MANBA: variants seen among roughly 807,000 people sequenced by gnomAD.
The protein encoded by MANBA is mannosidase beta.
MANBA carries 83 observed loss-of-function variants against 111.1 expected under a neutral mutation model. The ratio of observed to expected loss-of-function variants is 0.75; its 90% CI spans 0.63 to 0.90. The LOEUF (loss-of-function observed/expected upper bound fraction) is 0.90, where lower values mean the gene tolerates loss of function less well. MANBA is among the 40% of genes least tolerant of loss of function. The probability of loss-of-function intolerance (pLI) is 0.00; values close to 1 mark genes in which losing one functional copy is unlikely to be tolerated. For missense variants in MANBA, 1,036 were observed against 1,069.0 expected (o/e 0.97, Z 0.43); for synonymous variants, 370 against 378.7 (o/e 0.98, Z 0.27).
At chr4:102,688,800 A>T (rs1440757950) in intron 7 of MANBA, among the ~76,000 whole-genome samples, 5 of 152,230 alleles carry the variant, frequency 3.3e-5, no homozygotes, top group Non-Finnish European at 7.3e-5. Flanking sequence ...AAAATCAGAA[A>T]ACACCAGTAG....
intron 14 of MANBA, among the ~76,000 whole-genome samples, chr4:102,637,939 T>C (rs1729701256): frequency 6.6e-6 from 1 of 152,202 alleles, no homozygotes; most frequent in Admixed American, 6.5e-5. Context: ...GGCAGCTTTG[T>C]GGAACTGAGT....
chr4:102,713,726 A>T (rs967455548), intron 5 of MANBA, among the ~76,000 whole-genome samples: 3 of 151,986 alleles, frequency 2.0e-5, no homozygotes, highest in Non-Finnish European at 4.4e-5. Flanking sequence ...GAGAAACCCC[A>T]TCTCTACTAA....
chr4:102,704,351 T>A (rs1733199013), intron 5 of MANBA, among the ~76,000 whole-genome samples: 1 of 152,076 alleles, frequency 6.6e-6, no homozygotes, highest in Non-Finnish European at 1.5e-5. Context: ...CTAATTTTTT[T>A]TATTTTTTGT....
At chr4:102,638,616 A>G (rs1410088753) in intron 14 of MANBA, among the ~76,000 whole-genome samples, 1 of 152,208 alleles carries the variant, frequency 6.6e-6, no homozygotes, top group East Asian at 1.9e-4. Flanking sequence ...ACAGACAGAA[A>G]GCAGGATCAG....
intron 12 of MANBA, among the ~76,000 whole-genome samples, chr4:102,651,951 TTA>T (rs1730351619): frequency 1.6e-5 from 2 of 125,580 alleles, no homozygotes; most frequent in African/African-American, 5.5e-5. Context: ...TTTATTTTAT[TTA>T]TGTTTATTAT....
At chr4:102,633,925 G>T (rs1480422616) in intron 16 of MANBA, among the ~76,000 whole-genome samples, 2 of 151,962 alleles carry the variant, frequency 1.3e-5, no homozygotes, top group Admixed American at 6.6e-5. Context: ...TAAAACACAA[G>T]AATTAGGTGT....
intron 5 of MANBA, among the ~76,000 whole-genome samples, chr4:102,706,509 C>A (rs1428700868): frequency 6.6e-6 from 1 of 152,078 alleles, no homozygotes; most frequent in South Asian, 2.1e-4. Context: ...GGTTGTTATA[C>A]CAGATGCGTG....
intron 9 of MANBA, chr4:102,670,793 G>A (rs1452636652): frequency 6.5e-6 from 1 of 153,160 alleles, no homozygotes; most frequent in East Asian, 1.9e-4. Context: ...TGAACCTGGG[G>A]TGGAGGAGGG....
At chr4:102,658,265 G>T (rs1730663817) in intron 11 of MANBA, among the ~76,000 whole-genome samples, 1 of 152,156 alleles carries the variant, frequency 6.6e-6, no homozygotes, top group South Asian at 2.1e-4. Flanking sequence ...GTTGGCTGGG[G>T]TTGGGGGTGT....
At chr4:102,688,807 G>A (rs1462619304) in intron 7 of MANBA, among the ~76,000 whole-genome samples, 2 of 152,112 alleles carry the variant, frequency 1.3e-5, no homozygotes, top group South Asian at 4.1e-4. Flanking sequence ...GAAAACACCA[G>A]TAGAAGCACC....
At chr4:102,740,111 A>G (rs1723348240) in intron 1 of MANBA, among the ~76,000 whole-genome samples, 1 of 152,250 alleles carries the variant, frequency 6.6e-6, no homozygotes, top group Non-Finnish European at 1.5e-5. Flanking sequence ...ATACCAAATC[A>G]ACGTACACAA....
chr4:102,733,814 G>A (rs1175541749), intron 1 of MANBA, among the ~76,000 whole-genome samples: 5 of 152,112 alleles, frequency 3.3e-5, no homozygotes, highest in Non-Finnish European at 5.9e-5. Flanking sequence ...TTTGTAGAAT[G>A]GATGCTTTCC....
intron 7 of MANBA, among the ~76,000 whole-genome samples, chr4:102,685,315 AAAT>A (rs1732161508): frequency 6.6e-6 from 1 of 152,206 alleles, no homozygotes. Flanking sequence ...AATAAATAAA[AAAT>A]AAAATGTTGT....
At chr4:102,680,733 C>A (rs1370336243) in intron 7 of MANBA, among the ~76,000 whole-genome samples, 1 of 152,196 alleles carries the variant, frequency 6.6e-6, no homozygotes, top group African/African-American at 2.4e-5. Flanking sequence ...GCCACATATG[C>A]AGCATCTTTT....
At chr4:102,639,931 G>T (rs1729807786) in intron 13 of MANBA, 74 bp from the exon 14 acceptor site, 2 of 1,538,236 alleles carry the variant, frequency 1.3e-6, no homozygotes, top group Non-Finnish European at 1.8e-6. Context: ...AAAATACAGG[G>T]TTTAGTTTTG....
At chr4:102,733,939 C>T (rs1028334030) in intron 1 of MANBA, among the ~76,000 whole-genome samples, 5 of 152,190 alleles carry the variant, frequency 3.3e-5, no homozygotes, top group African/African-American at 1.2e-4. Context: ...TCAGTGGTTA[C>T]CATAGGTTAA....
intron 3 of MANBA, 41 bp downstream of exon 3, chr4:102,723,821 A>G (rs1325652790): frequency 8.9e-7 from 1 of 1,123,352 alleles, no homozygotes; most frequent in Admixed American, 1.9e-5. Context: ...TAACATAAAC[A>G]CACATAAATT....
At chr4:102,635,625 A>G (rs1729591137) in intron 15 of MANBA, among the ~76,000 whole-genome samples, 1 of 152,106 alleles carries the variant, frequency 6.6e-6, no homozygotes, top group Non-Finnish European at 1.5e-5. Context: ...TTTATTTCCT[A>G]CTCATAGAAA....
chr4:102,657,934 T>C (rs370402012), intron 11 of MANBA, 34 bp from the exon 12 acceptor site: 5 of 1,387,420 alleles, frequency 3.6e-6, no homozygotes, highest in Non-Finnish European at 5.1e-6. Context: ...TCAAGGATAA[T>C]ATATTCATCC....
Sources: gnomAD v4.1 joint callset for allele counts (sites outside exome capture counted in the v4.1 genomes callset) on GRCh38, gnomAD v4.1.1 for gene constraint, MANE v1.5 for transcripts, NCBI Gene and HGNC (gene_info 2026-07-23, HGNC 2026-07-21) for gene names.